Variants in PNLIP observed in about 807,000 individuals in gnomAD.
PNLIP encodes the protein pancreatic triacylglycerol lipase.
Under a neutral mutation model 57.1 loss-of-function variants are expected in PNLIP, and 49 were observed. That is an observed-to-expected ratio of 0.86 (90% confidence interval 0.68 to 1.09). The LOEUF is 1.09. Among genes scored for constraint, PNLIP ranks in the 50% least tolerant of loss-of-function variants. The pLI is 0.00. For missense variants in PNLIP, 503 were observed against 570.2 expected (o/e 0.88, Z 1.20); for synonymous variants, 209 against 200.4 (o/e 1.04, Z -0.36).
In PNLIP at chr10:116,560,531, A is replaced by G; in HGVS notation, c.1169+7A>G. On this transcript the variant is annotated splice_region_variant and intron_variant, in intron 11 of 12. Coordinates refer to ENST00000369221, the MANE Select transcript of PNLIP (RefSeq NM_000936.4). Reference sequence around the variant, plus strand: ...AGCAGTATGAAATTTTCAAGTGAGTAAAATAATATTGCTCTATGCTTTTTT... The same window carrying G: ...AGCAGTATGAAATTTTCAAGTGAGTGAAATAATATTGCTCTATGCTTTTTT... 1 of 1,250,322 alleles carries G rather than the reference A, an allele frequency of 8.0e-7. No homozygotes were observed. Among genetic ancestry groups the G allele is most frequent in the Non-Finnish European group, 1.2e-6 (1 of 867,256 alleles). 77.5% of individuals were successfully genotyped at this position (1,250,322 alleles called of 1,614,324 possible). A position where few individuals can be genotyped will look rare whatever the true frequency, so the allele number is the denominator to read the frequency against.
chr10:116,552,812 G>T (rs1281295440), intron 5 of PNLIP, among the ~76,000 whole-genome samples: 2 of 152,066 alleles, frequency 1.3e-5, no homozygotes, highest in Non-Finnish European at 2.9e-5. Flanking sequence ...CGTGAACCCG[G>T]GAGGTGGAGC....
intron 9 of PNLIP, among the ~76,000 whole-genome samples, chr10:116,557,126 T>C (rs371426282): frequency 6.6e-6 from 1 of 152,338 alleles, no homozygotes; most frequent in East Asian, 1.9e-4. Context: ...AGCTTCCATA[T>C]GCAGTGAGAC....
chr10:116,556,713 A>G (rs1265393419), intron 9 of PNLIP, among the ~76,000 whole-genome samples: 1 of 151,406 alleles, frequency 6.6e-6, no homozygotes, highest in East Asian at 1.9e-4. Flanking sequence ...CTCAAATATG[A>G]CATATCTATT....
rs1464728032 is a variant in PNLIP at position 116,551,144 on chromosome 10, A to G, written c.371A>G (p.Lys124Arg). The stretch of plus-strand genomic sequence containing the variant: ...GTGAACTGTATCTGTGTGGACTGGA[A>G]AGGTGGCTCCCGAACTGGATACACA... ...ESVNCICVDW[K>R]GGSRTGYTQA... Residue 124 changes from lysine to arginine, a missense_variant, in exon 5 of 13, where the codon AAA becomes AGA. Coordinates refer to ENST00000369221, the MANE Select transcript of PNLIP (RefSeq NM_000936.4). 8 of 1,612,834 alleles carry G rather than the reference A, an allele frequency of 5.0e-6. No homozygotes were observed. The highest frequency in any genetic ancestry group is 6.8e-6 in the Non-Finnish European group (8 of 1,179,230).
At chr10:116,558,869 C>T (rs1016302945) in intron 9 of PNLIP, among the ~76,000 whole-genome samples, 5 of 152,138 alleles carry the variant, frequency 3.3e-5, no homozygotes, top group African/African-American at 1.2e-4. Context: ...TGGTGATCCA[C>T]CTGCCTCAGC....
At position 116,547,283 on chromosome 10, in the gene PNLIP, G is replaced by T; in HGVS notation, c.47-11G>T. 1 of 1,613,320 alleles carries T rather than the reference G, an allele frequency of 6.2e-7. No homozygotes were observed. The highest frequency in any genetic ancestry group is 1.6e-4 in the Middle Eastern group (1 of 6,062). ...TGTTTGTAAAACTAATATCCTTCTG[G>T]GGGATTGCAGGAAAAGAAGTTTGCT... is the stretch of plus-strand genomic sequence containing the variant. On this transcript the variant is annotated splice_polypyrimidine_tract_variant and intron_variant, in intron 2 of 12. Coordinates refer to ENST00000369221, the MANE Select transcript of PNLIP (RefSeq NM_000936.4).
intron 4 of PNLIP, among the ~76,000 whole-genome samples, chr10:116,550,350 C>T (rs1295361882): frequency 2.6e-5 from 4 of 151,488 alleles, no homozygotes; most frequent in African/African-American, 9.7e-5. Flanking sequence ...GACCACCGCA[C>T]CTGGCCTATT....
rs1021950726 is a variant in PNLIP, at chr10:116,548,500, C to T, written c.324+18C>T. On this transcript the variant is annotated intron_variant, in intron 4 of 12. Transcript: ENST00000369221. Reference sequence around the variant, plus strand: ...TGTGCAAGGTGAGATGTGGTCATCTCTCAAGGAAAGATCGTTTCCAAAGTG... The same window carrying T: ...TGTGCAAGGTGAGATGTGGTCATCTTTCAAGGAAAGATCGTTTCCAAAGTG... The T allele has an allele frequency of 6.2e-7, 1 of 1,610,300 alleles. No individual in the cohort carries two copies. The highest frequency in any genetic ancestry group is 1.3e-5 in the African/African-American group (1 of 74,844).
intron 12 of PNLIP, 54 bp from the exon 13 acceptor site, chr10:116,567,681 C>T: frequency 6.9e-7 from 1 of 1,448,634 alleles, no homozygotes; most frequent in Non-Finnish European, 9.7e-7. Flanking sequence ...CACTGTCACA[C>T]TCCAGATATG....
chr10:116,547,317 C>G lies in PNLIP; in HGVS notation c.70C>G (p.Leu24Val). ...AGGAAAAGAAGTTTGCTACGAAAGA[C>G]TCGGCTGCTTCAGTGATGACTCCCC... ...VAGKEVCYERLGCFSDDSPWS... is the reference protein window; with the variant it reads ...VAGKEVCYERVGCFSDDSPWS... Residue 24 changes from leucine (L) to valine (V), a missense_variant, in exon 3 of 13, where the codon CTC becomes GTC. Coordinates refer to ENST00000369221, the MANE Select transcript of PNLIP (RefSeq NM_000936.4). 1 of 1,614,116 alleles carries G rather than the reference C, an allele frequency of 6.2e-7. No individual in the cohort carries two copies. Among genetic ancestry groups the G allele is most frequent in the Non-Finnish European group, 8.5e-7 (1 of 1,179,976 alleles).
intron 6 of PNLIP, 149 bp from the exon 7 acceptor site, chr10:116,555,029 A>T: frequency 3.5e-6 from 3 of 868,976 alleles, no homozygotes; most frequent in Non-Finnish European, 5.4e-6. Context: ...AATTCACTTT[A>T]AAGCAAATAG....
chr10:116,545,933 G>C lies in PNLIP; in HGVS notation c.-26G>C. On this transcript the variant is annotated 5_prime_UTR_variant, in exon 1 of 13. Coordinates refer to ENST00000369221, the MANE Select transcript of PNLIP (RefSeq NM_000936.4). ...GGAGTTTTTGTTGCTATCTGGTTGC[G>C]TGTGGAACCTGACGGAACTGCCACG... 2 of 589,964 alleles carry C rather than the reference G, an allele frequency of 3.4e-6. No homozygotes were observed. The highest frequency in any genetic ancestry group is 3.5e-4 in the Middle Eastern group (1 of 2,822). 36.5% of individuals were successfully genotyped at this position (589,964 alleles called of 1,614,324 possible). A position where few individuals can be genotyped will look rare whatever the true frequency, so the allele number is the denominator to read the frequency against.
At chr10:116,555,737 T>C (rs973621154) in intron 8 of PNLIP, among the ~76,000 whole-genome samples, 3 of 152,232 alleles carry the variant, frequency 2.0e-5, no homozygotes, top group African/African-American at 7.2e-5. Context: ...GGGAATGAGC[T>C]TTTATTTATT....
At chr10:116,551,319 A>C in intron 5 of PNLIP, 87 bp downstream of exon 5, 1 of 994,434 alleles carries the variant, frequency 1.0e-6, no homozygotes, top group Non-Finnish European at 1.4e-6. Flanking sequence ...CTGTAGATTT[A>C]ATCATAGATA....
intron 12 of PNLIP, among the ~76,000 whole-genome samples, chr10:116,562,856 A>C (rs1161021679): frequency 1.3e-5 from 2 of 152,200 alleles, no homozygotes; most frequent in Non-Finnish European, 2.9e-5. Flanking sequence ...GTGGAAAATA[A>C]TTTACCTATA....
chr10:116,549,489 C>CCA (rs1554859745), intron 4 of PNLIP, among the ~76,000 whole-genome samples: 1 of 151,020 alleles, frequency 6.6e-6, no homozygotes, highest in African/African-American at 2.4e-5. Context: ...AAAAAAAAAA[C>CCA]AAAAAAAGAC....
chr10:116,565,937 T>C lies in PNLIP; in HGVS notation c.1335-1798T>C, dbSNP rs191977668. Among the ~76,000 whole-genome samples, 427 of 152,298 alleles carry C rather than the reference T, an allele frequency of 2.8e-3. 2 individuals are homozygous for C. Among genetic ancestry groups the C allele is most frequent in the African/African-American group, 9.7e-3 (405 of 41,584 alleles). ...GATTCTCCTGCCTCGGCCTCCCCAG[T>C]AGCTGGGATTACAGGCATACGCCAC... is the stretch of plus-strand genomic sequence containing the variant. On this transcript the variant is annotated intron_variant, in intron 12 of 12. Coordinates refer to ENST00000369221, the MANE Select transcript of PNLIP (RefSeq NM_000936.4).
chr10:116,567,382 G>A (rs1039610871), intron 12 of PNLIP, among the ~76,000 whole-genome samples: 1 of 152,092 alleles, frequency 6.6e-6, no homozygotes, highest in African/African-American at 2.4e-5. Flanking sequence ...CCAGAAATTA[G>A]ACTTTATACA....
chr10:116,548,343 C>A lies in PNLIP; in HGVS notation c.202-17C>A. ...TACTATAGGAAACTGACATGAAACA[C>A]TTTTCTGTCTAAACAGGAAGTTGCC... On this transcript the variant is annotated splice_polypyrimidine_tract_variant and intron_variant, in intron 3 of 12. Coordinates refer to ENST00000369221, the MANE Select transcript of PNLIP (RefSeq NM_000936.4). The A allele has an allele frequency of 6.2e-7, 1 of 1,612,902 alleles. No homozygotes were observed. The highest frequency in any genetic ancestry group is 1.7e-4 in the Middle Eastern group (1 of 6,054).
Sources: allele counts gnomAD v4.1 joint callset (sites outside exome capture counted in the v4.1 genomes callset), GRCh38; gene constraint gnomAD v4.1.1; transcripts MANE v1.5; gene names NCBI Gene and HGNC (gene_info 2026-07-23, HGNC 2026-07-21).